NMNAT3: variants seen among roughly 807,000 people sequenced by gnomAD.
NMNAT3 encodes nicotinamide/nicotinic acid mononucleotide adenylyltransferase 3.
In NMNAT3, 21 loss-of-function variants were observed where a neutral mutation model predicts 24.8. The observed-to-expected ratio is 0.85, with a 90% CI of 0.60 to 1.22. The LOEUF (loss-of-function observed/expected upper bound fraction) is 1.22. Ranked by LOEUF, NMNAT3 falls within the 50% of genes most tolerant of loss-of-function variation. The probability of loss-of-function intolerance (pLI) is 0.00; values close to 1 mark genes in which losing one functional copy is unlikely to be tolerated. For missense variants in NMNAT3, 387 were observed against 436.6 expected (o/e 0.89, Z 1.01); for synonymous variants, 136 against 155.2 (o/e 0.88, Z 0.92).
At chr3:139,596,227 G>C (rs2054451009) in intron 3 of NMNAT3, among the ~76,000 whole-genome samples, 1 of 152,048 alleles carries the variant, frequency 6.6e-6, no homozygotes, top group Non-Finnish European at 1.5e-5. Flanking sequence ...TAATTACTTT[G>C]CTCACGGAGA....
intron 3 of NMNAT3, among the ~76,000 whole-genome samples, chr3:139,614,693 A>G (rs1260457860): frequency 6.6e-6 from 1 of 152,234 alleles, no homozygotes; most frequent in Non-Finnish European, 1.5e-5. Context: ...CACAACATAC[A>G]TGAGGTCATT....
At chr3:139,569,043 A>T (rs934855162) in intron 6 of NMNAT3, 1 of 152,210 alleles carries the variant, frequency 6.6e-6, no homozygotes, top group Non-Finnish European at 1.5e-5. Context: ...GGGTGCATAT[A>T]TATTTAGGAT....
intron 3 of NMNAT3, chr3:139,599,543 G>A (rs867840842): frequency 4.9e-6 from 3 of 613,600 alleles, no homozygotes; most frequent in Admixed American, 5.8e-5. Flanking sequence ...AATGTAGCAT[G>A]TTAAGAAAAA....
chr3:139,561,388 C>A lies in NMNAT3; in HGVS notation c.663G>T (p.Val221=), dbSNP rs772032348. ...CCCCACAGAGAAGCTTCAGCTCAGGCACAGCTGCAAAAACAAGGATGGACC... is the reference window on the plus strand; with the variant it reads ...CCCCACAGAGAAGCTTCAGCTCAGGAACAGCTGCAAAAACAAGGATGGACC... The change falls in exon 7 of 7, where the codon GTG becomes GTT. Residue 221 remains valine (V), a synonymous_variant. Transcript: ENST00000643695. 1.9e-6 allele frequency: 3 copies of A among 1,611,098 alleles called. No homozygotes were observed. Among genetic ancestry groups the A allele is most frequent in the Non-Finnish European group, 1.7e-6 (2 of 1,177,992 alleles).
intron 1 of NMNAT3, among the ~76,000 whole-genome samples, chr3:139,657,430 A>G (rs1559962099): frequency 6.6e-6 from 1 of 152,354 alleles, no homozygotes; most frequent in East Asian, 1.9e-4. Context: ...GGTGTCAGAA[A>G]TTACTCTTTC....
chr3:139,675,163 C>CACACACACACACAT (rs1335255635), intron 1 of NMNAT3, among the ~76,000 whole-genome samples: 1 of 151,500 alleles, frequency 6.6e-6, no homozygotes, highest in Non-Finnish European at 1.5e-5. Context: ...CACACACACA[C>CACACACACACACAT]GTGCACATAT....
intron 3 of NMNAT3, among the ~76,000 whole-genome samples, chr3:139,607,156 T>C (rs562130511): frequency 3.3e-5 from 5 of 151,662 alleles, no homozygotes; most frequent in East Asian, 3.9e-4. Flanking sequence ...TATATAATTA[T>C]ATTAATTATA....
intron 3 of NMNAT3, among the ~76,000 whole-genome samples, chr3:139,589,966 G>C (rs891781566): frequency 1.3e-5 from 2 of 152,178 alleles, no homozygotes; most frequent in African/African-American, 2.4e-5. Context: ...CCAAGAAACA[G>C]GGGTTTTGAA....
At chr3:139,648,956 T>C (rs1331366300) in intron 1 of NMNAT3, among the ~76,000 whole-genome samples, 2 of 152,228 alleles carry the variant, frequency 1.3e-5, no homozygotes, top group Non-Finnish European at 2.9e-5. Context: ...CACCTAGATA[T>C]GTTTATGAAT....
At chr3:139,593,023 G>C (rs1338883264) in intron 3 of NMNAT3, among the ~76,000 whole-genome samples, 2 of 152,056 alleles carry the variant, frequency 1.3e-5, no homozygotes, top group South Asian at 2.1e-4. Flanking sequence ...ACACAGACTG[G>C]CAAATTGGAT....
intron 2 of NMNAT3, 188 bp downstream of exon 3, chr3:139,634,423 C>G (rs2056422649): frequency 6.6e-6 from 1 of 152,180 alleles, no homozygotes; most frequent in Non-Finnish European, 1.5e-5. Context: ...TTAAAGAAAA[C>G]ACAAGTCGTG....
At chr3:139,663,791 C>T (rs1354535299) in intron 1 of NMNAT3, among the ~76,000 whole-genome samples, 4 of 152,140 alleles carry the variant, frequency 2.6e-5, no homozygotes, top group East Asian at 1.9e-4. Context: ...AAGTACTGCC[C>T]GTGAAAGGGG....
chr3:139,662,060 C>A (rs2057432491), intron 1 of NMNAT3, among the ~76,000 whole-genome samples: 3 of 152,124 alleles, frequency 2.0e-5, no homozygotes, highest in African/African-American at 7.2e-5. Context: ...TCTGAGGGCT[C>A]CATCATTCCC....
At chr3:139,592,367 A>G (rs1421302425) in intron 3 of NMNAT3, among the ~76,000 whole-genome samples, 1 of 152,226 alleles carries the variant, frequency 6.6e-6, no homozygotes, top group Non-Finnish European at 1.5e-5. Context: ...AGTGACGGGG[A>G]GAATGGAACC....
At chr3:139,618,535 T>C (rs907711813) in intron 3 of NMNAT3, among the ~76,000 whole-genome samples, 1 of 152,250 alleles carries the variant, frequency 6.6e-6, no homozygotes, top group African/African-American at 2.4e-5. Flanking sequence ...AGGAAGATAC[T>C]ATTAATTTCT....
chr3:139,563,445 AC>A (rs1936720074), intron 6 of NMNAT3, among the ~76,000 whole-genome samples: 1 of 152,298 alleles, frequency 6.6e-6, no homozygotes, highest in Admixed American at 6.5e-5. Context: ...CAGAGAAGAT[AC>A]CACCTCCTTT....
At chr3:139,642,589 G>A (rs768630789) in intron 1 of NMNAT3, among the ~76,000 whole-genome samples, 1 of 152,184 alleles carries the variant, frequency 6.6e-6, no homozygotes, top group African/African-American at 2.4e-5. Context: ...TGTGACCTGA[G>A]AACTTAACCT....
chr3:139,604,877 GA>G (rs1559900260), intron 3 of NMNAT3, among the ~76,000 whole-genome samples: 1 of 152,158 alleles, frequency 6.6e-6, no homozygotes, highest in Non-Finnish European at 1.5e-5. Context: ...AAAAAGACAC[GA>G]AAAACCAACA....
chr3:139,587,487 G>A (rs1362844472), intron 3 of NMNAT3, among the ~76,000 whole-genome samples: 1 of 152,138 alleles, frequency 6.6e-6, no homozygotes, highest in Non-Finnish European at 1.5e-5. Flanking sequence ...AAAGTAGTGA[G>A]GGCAGCTGCC....
Sources: allele counts gnomAD v4.1 joint callset (sites outside exome capture counted in the v4.1 genomes callset), GRCh38; gene constraint gnomAD v4.1.1; transcripts MANE v1.5; gene names NCBI Gene and HGNC (gene_info 2026-07-23, HGNC 2026-07-21).